C3orf52: variants seen among roughly 807,000 people sequenced by gnomAD.
The protein encoded by C3orf52 is TPA-induced transmembrane protein.
Under a neutral mutation model 24.8 loss-of-function variants are expected in C3orf52, and 22 were observed. That is an observed-to-expected ratio of 0.89 (90% CI 0.63 to 1.27). The LOEUF is 1.27. Among genes scored for constraint, C3orf52 ranks in the 50% most tolerant of loss-of-function variants. C3orf52 has a pLI of 0.00. For missense variants in C3orf52, 265 were observed against 260.7 expected (o/e 1.02, Z -0.11); for synonymous variants, 93 against 100.2 (o/e 0.93, Z 0.43).
chr3:112,124,899 G>A (rs1242796239), intron 4 of C3orf52, among the ~76,000 whole-genome samples: 6 of 152,156 alleles, frequency 3.9e-5, no homozygotes, highest in East Asian at 1.9e-4. Context: ...CTATAAAATC[G>A]GGGGATGGGA....
chr3:112,111,031 A>AG (rs1214401175), intron 4 of C3orf52, among the ~76,000 whole-genome samples: 2 of 152,212 alleles, frequency 1.3e-5, no homozygotes, highest in African/African-American at 4.8e-5. Context: ...CAACATGGTG[A>AG]AACCCCATGT....
chr3:112,093,004 T>C (rs2073893337), intron 1 of C3orf52, among the ~76,000 whole-genome samples: 1 of 152,164 alleles, frequency 6.6e-6, no homozygotes, highest in Admixed American at 6.5e-5. Flanking sequence ...ATCTTAACTT[T>C]CATTATTTGC....
downstream of C3orf52, among the ~76,000 whole-genome samples, chr3:112,120,010 C>A (rs536208333): frequency 2.0e-5 from 3 of 152,238 alleles, no homozygotes; most frequent in Middle Eastern, 3.4e-3. Context: ...TCTGGGAATC[C>A]CTAAGGAGCA....
At chr3:112,086,573 C>T in intron 1 of C3orf52, 28 bp downstream of exon 1, 2 of 1,513,634 alleles carry the variant, frequency 1.3e-6, no homozygotes, top group East Asian at 2.6e-5. Flanking sequence ...CTGGCCCTAA[C>T]TTGCCGGCGG....
chr3:112,111,908 C>T (rs1279900998), intron 4 of C3orf52: 1 of 152,114 alleles, frequency 6.6e-6, no homozygotes, highest in Non-Finnish European at 1.5e-5. Context: ...GCACATCTCC[C>T]AGCCGTAGTA....
chr3:112,125,770 T>C (rs908611774), intron 4 of C3orf52, among the ~76,000 whole-genome samples: 1 of 152,242 alleles, frequency 6.6e-6, no homozygotes, highest in African/African-American at 2.4e-5. Flanking sequence ...ATAATTGGTG[T>C]TCAAGGAGTT....
At chr3:112,131,331 G>A (rs114500631), downstream of C3orf52, among the ~76,000 whole-genome samples, 1,724 of 152,206 alleles carry the variant, frequency 0.011, 31 homozygotes, top group African/African-American at 0.039. Flanking sequence ...ATTCTATTCT[G>A]TGCAAAATTT....
At chr3:112,130,246 G>A (rs1429876698), downstream of C3orf52, 4 of 595,922 alleles carry the variant, frequency 6.7e-6, no homozygotes, top group African/African-American at 7.4e-5. Flanking sequence ...AGTTACATTA[G>A]GCTTCTAGCA....
chr3:112,087,219 G>T (rs2073838073), intron 1 of C3orf52, among the ~76,000 whole-genome samples: 1 of 152,158 alleles, frequency 6.6e-6, no homozygotes, highest in Non-Finnish European at 1.5e-5. Context: ...TCAATTGAAA[G>T]AAAATAATTT....
intron 4 of C3orf52, among the ~76,000 whole-genome samples, chr3:112,124,558 A>C (rs760319629): frequency 1.3e-5 from 2 of 152,198 alleles, no homozygotes; most frequent in African/African-American, 2.4e-5. Flanking sequence ...CAGTGAGCTG[A>C]GATCGTGCCA....
downstream of C3orf52, chr3:112,130,187 A>G (rs2074418792): frequency 2.2e-6 from 1 of 463,982 alleles, no homozygotes; most frequent in African/African-American, 1.9e-5. Flanking sequence ...CTTTTATTTT[A>G]TAACAGGGCA....
At chr3:112,123,188 C>T (rs992531958), downstream of C3orf52, 4 of 509,816 alleles carry the variant, frequency 7.8e-6, no homozygotes, top group Middle Eastern at 5.4e-4. Context: ...TCAGGGAGCC[C>T]CTCCTACCAC....
chr3:112,097,179 T>G (rs138126291), intron 2 of C3orf52, among the ~76,000 whole-genome samples: 1 of 152,340 alleles, frequency 6.6e-6, no homozygotes, highest in East Asian at 1.9e-4. Flanking sequence ...CTGGATAATT[T>G]GGAGGATCAG....
At chr3:112,130,288 G>A, downstream of C3orf52, 1 of 681,776 alleles carries the variant, frequency 1.5e-6, no homozygotes. Flanking sequence ...AAGTTTTCAA[G>A]CATTTTATCT....
Position 112,086,456 on chromosome 3 carries a change from G to A in C3orf52, c.49G>A (p.Val17Met). ...GCCAGTAGACGAGCTGGAGCTCTCG[G>A]TGCTCGAGCGGCAGCCAGAAGAGAA... ...SQPVDELELS[V>M]LERQPEENTP... The change falls in exon 1 of 6, where the codon GTG (valine) becomes ATG (methionine). Residue 17 changes from valine to methionine, a missense_variant. Physicochemically the swap from Val to Met is conservative, Grantham distance 21 (BLOSUM62 1). Coordinates refer to ENST00000264848, the MANE Select transcript of C3orf52 (RefSeq NM_024616.3). 1 of 1,551,494 alleles carries A rather than the reference G, an allele frequency of 6.4e-7. No individual in the cohort carries two copies. The highest frequency in any genetic ancestry group is 1.2e-5 in the South Asian group (1 of 84,030).
chr3:112,089,524 C>G (rs866706329), intron 1 of C3orf52, among the ~76,000 whole-genome samples: 1 of 69,708 alleles, frequency 1.4e-5, no homozygotes, highest in East Asian at 4.1e-4. Flanking sequence ...AGTGAAACTT[C>G]GTCTCAAAAA....
At chr3:112,120,902 C>T (rs970242877), downstream of C3orf52, 1 of 152,114 alleles carries the variant, frequency 6.6e-6, no homozygotes, top group Non-Finnish European at 1.5e-5. Flanking sequence ...AAGTATATTA[C>T]ACTCATATCA....
chr3:112,099,645 G>A (rs1483598794), intron 2 of C3orf52, among the ~76,000 whole-genome samples: 1 of 152,118 alleles, frequency 6.6e-6, no homozygotes, highest in Non-Finnish European at 1.5e-5. Context: ...GTTAATGTGA[G>A]GATTATGTGA....
chr3:112,125,669 CACAGGAG>C (rs1171531154), intron 4 of C3orf52, among the ~76,000 whole-genome samples: 1 of 152,186 alleles, frequency 6.6e-6, no homozygotes, highest in Non-Finnish European at 1.5e-5. Context: ...CACAAGCTAG[CACAGGAG>C]ACAGACAAGG....
Sources: gnomAD v4.1 joint callset for allele counts (sites outside exome capture counted in the v4.1 genomes callset) on GRCh38, gnomAD v4.1.1 for gene constraint, MANE v1.5 for transcripts, NCBI Gene and HGNC (gene_info 2026-07-23, HGNC 2026-07-21) for gene names.